USP15: variants seen among roughly 807,000 people sequenced by gnomAD.
The protein encoded by USP15 is ubiquitin specific peptidase 15.
Under a neutral mutation model 127.1 loss-of-function variants are expected in USP15, and 18 were observed. The observed-to-expected ratio is 0.14, with a 90% CI of 0.10 to 0.21. The LOEUF is 0.21. USP15 is among the 10% of genes least tolerant of loss of function. USP15 has a pLI of 1.00. For missense variants in USP15, 805 were observed against 1,159.9 expected, an observed-to-expected ratio of 0.69 and a Z score of 4.44; for synonymous variants, 364 against 393.7, an observed-to-expected ratio of 0.92 and a Z score of 0.89.
chr12:62,268,836 A>C (rs1431857871), intron 1 of USP15, among the ~76,000 whole-genome samples: 1 of 152,112 alleles, frequency 6.6e-6, no homozygotes, highest in Non-Finnish European at 1.5e-5. Context: ...AGAGTTGTGC[A>C]GCCATGACCA....
At chr12:62,306,425 C>T (rs1000611232) in intron 3 of USP15, among the ~76,000 whole-genome samples, 4 of 152,056 alleles carry the variant, frequency 2.6e-5, no homozygotes, top group African/African-American at 9.7e-5. Flanking sequence ...TAGTAGATTA[C>T]TAGACTTTGA....
intron 2 of USP15, among the ~76,000 whole-genome samples, chr12:62,296,452 G>A (rs2137164486): frequency 6.6e-6 from 1 of 152,290 alleles, no homozygotes; most frequent in East Asian, 1.9e-4. Context: ...TCAGAATAAA[G>A]AACATAATCA....
Position 62,391,341 on chromosome 12 carries a change from G to A in USP15, c.2145G>A (p.Gln715=), listed in dbSNP as rs749344516. The change falls in exon 16 of 22, where the codon CAG becomes CAA. Residue 715 remains glutamine, a synonymous_variant. Transcript: ENST00000280377. Reference sequence around the variant, plus strand: ...ACAAAAAACGATTGTTTACATTCCAGTTCAACAACTTAGGCAATACTGATA... The same window carrying A: ...ACAAAAAACGATTGTTTACATTCCAATTCAACAACTTAGGCAATACTGATA... The part of the protein sequence containing the change: ...TGHKKRLFTF[Q]FNNLGNTDIN... 8.1e-6 allele frequency: 13 copies of A among 1,613,250 alleles called. No individual in the cohort carries two copies. The highest frequency in any genetic ancestry group is 1.7e-5 in the Admixed American group (1 of 59,900).
intron 8 of USP15, among the ~76,000 whole-genome samples, chr12:62,365,051 A>G (rs1437435553): frequency 6.6e-6 from 1 of 152,172 alleles, no homozygotes; most frequent in Non-Finnish European, 1.5e-5. Context: ...CAAATAATTT[A>G]TAATCCTTTG....
At chr12:62,369,449 C>T (rs1454947361) in intron 8 of USP15, among the ~76,000 whole-genome samples, 4 of 148,486 alleles carry the variant, frequency 2.7e-5, no homozygotes, top group African/African-American at 9.8e-5. Context: ...TATTGGAATC[C>T]TTTATATGCC....
At chr12:62,377,889 C>T (rs1204803499) in intron 8 of USP15, among the ~76,000 whole-genome samples, 5 of 151,828 alleles carry the variant, frequency 3.3e-5, no homozygotes, top group South Asian at 2.1e-4. Context: ...ATATTTTAAC[C>T]GGTCTTTATG....
At position 62,331,758 on chromosome 12, in the gene USP15, A is replaced by T. The variant is rs188643425; in HGVS notation, c.683+5825A>T. The stretch of plus-strand genomic sequence containing the variant: ...ATGTTAAGGGTAAAATTTAATTTAA[A>T]ACATGTAGTCATTTAGTTACAAAAA... On this transcript the variant is annotated intron_variant, in intron 6 of 21. Transcript: ENST00000280377. Among the ~76,000 whole-genome samples the T allele has an allele frequency of 1.3e-3, 192 of 152,310 alleles. 1 individual carries two copies. The highest frequency in any genetic ancestry group is 4.5e-3 in the African/African-American group (188 of 41,546).
intron 1 of USP15, among the ~76,000 whole-genome samples, chr12:62,293,237 C>G (rs2064028213): frequency 6.6e-6 from 1 of 152,178 alleles, no homozygotes. Flanking sequence ...CTTGGGGCTC[C>G]CAGCCACTCT....
chr12:62,341,819 C>T (rs1294298866), intron 6 of USP15, among the ~76,000 whole-genome samples: 1 of 152,056 alleles, frequency 6.6e-6, no homozygotes, highest in East Asian at 1.9e-4. Context: ...ACGTTGTTTC[C>T]TTCATTTCAA....
At position 62,414,912 on chromosome 12, in the gene USP15, G is replaced by T. The variant is rs1238944458; in HGVS notation, c.*10537G>T. The T allele has an allele frequency of 1.3e-5, 2 of 149,050 alleles. No individual in the cohort carries two copies. Among genetic ancestry groups the T allele is most frequent in the African/African-American group, 2.5e-5 (1 of 40,050 alleles). The allele number at this position is 149,050 out of a possible 1,614,324, so 9.2% of individuals were successfully genotyped here. ...ATTCTCCAGAGAAACAAGACCAATA[G>T]GATGCATATGTGTATACACATATAT... On this transcript the variant is annotated 3_prime_UTR_variant, in exon 22 of 22. Coordinates refer to ENST00000280377, the MANE Select transcript of USP15 (RefSeq NM_001252078.2).
intron 6 of USP15, among the ~76,000 whole-genome samples, chr12:62,339,097 G>A (rs2065571822): frequency 6.6e-6 from 1 of 151,688 alleles, no homozygotes; most frequent in Admixed American, 6.6e-5. Flanking sequence ...CCTTGAAGAG[G>A]TCCTTCACGT....
chr12:62,309,638 A>G (rs2064597202), intron 3 of USP15, among the ~76,000 whole-genome samples: 1 of 152,082 alleles, frequency 6.6e-6, no homozygotes, highest in African/African-American at 2.4e-5. Context: ...ACTCATGAAC[A>G]TAGATGCTTA....
At chr12:62,312,994 AT>A (rs1276530572) in intron 3 of USP15, among the ~76,000 whole-genome samples, 1 of 151,696 alleles carries the variant, frequency 6.6e-6, no homozygotes, top group Non-Finnish European at 1.5e-5. Flanking sequence ...TCATATAAAA[AT>A]AGTTTGACAA....
In USP15 at chr12:62,389,833, G is replaced by A; in HGVS notation, c.1689G>A (p.Glu563=). 1 of 1,613,544 alleles carries A rather than the reference G, an allele frequency of 6.2e-7. No individual in the cohort carries two copies. Among genetic ancestry groups the A allele is most frequent in the Non-Finnish European group, 8.5e-7 (1 of 1,179,724 alleles). The change falls in exon 14 of 22, where the codon GAG becomes GAA. Residue 563 remains glutamate (E), a synonymous_variant. Transcript: ENST00000280377. The part of the protein sequence containing the change: ...EININRTEDT[E]HVIIPVCLRE... ...ACATCAATAGGACAGAAGATACAGA[G>A]CACGTGATTATTCCTGTTTGCCTAA...
Position 62,389,897 on chromosome 12 carries a change from G to C in USP15, c.1753G>C (p.Gly585Arg). ...ACACTCGAGTTATACCCACCATACT[G>C]GTTCTTCACTTTTTGGTCAGCCCTT... is the stretch of plus-strand genomic sequence containing the variant. ...FRHSSYTHHTGSSLFGQPFLM... is the reference protein window; with the variant it reads ...FRHSSYTHHTRSSLFGQPFLM... Residue 585 changes from glycine to arginine, a missense_variant, in exon 14 of 22, where the codon GGT (glycine) becomes CGT (arginine). Around this residue, in one of 11 missense-constraint regions of USP15, gnomAD observed 225 missense variants for 239.5 expected, o/e 0.94. Coordinates refer to ENST00000280377, the MANE Select transcript of USP15 (RefSeq NM_001252078.2). 1 of 1,613,796 alleles carries C rather than the reference G, an allele frequency of 6.2e-7. No homozygotes were observed. The highest frequency in any genetic ancestry group is 8.5e-7 in the Non-Finnish European group (1 of 1,179,888).
At chr12:62,387,208 C>G (rs2067179397) in intron 11 of USP15, among the ~76,000 whole-genome samples, 1 of 152,052 alleles carries the variant, frequency 6.6e-6, no homozygotes, top group African/African-American at 2.4e-5. Flanking sequence ...ACTGCTTTAG[C>G]TATAAATTGG....
chr12:62,355,459 T>G lies in USP15; in HGVS notation c.899T>G (p.Met300Arg). Reference sequence around the variant, plus strand: ...AGTAACTTGGGAAATACGTGTTTCATGAACTCAGCTATTCAGGTAGGTCTT... The same window carrying G: ...AGTAACTTGGGAAATACGTGTTTCAGGAACTCAGCTATTCAGGTAGGTCTT... The part of the protein sequence containing the change: ...GLSNLGNTCF[M>R]NSAIQCLSNT... Residue 300 changes from methionine (M) to arginine (R), a missense_variant, in exon 8 of 22, where the codon ATG (methionine) becomes AGG (arginine). Coordinates refer to ENST00000280377, the MANE Select transcript of USP15 (RefSeq NM_001252078.2). The G allele has an allele frequency of 6.2e-7, 1 of 1,602,544 alleles. No homozygotes were observed. Among genetic ancestry groups the G allele is most frequent in the Non-Finnish European group, 8.5e-7 (1 of 1,175,074 alleles).
intron 2 of USP15, among the ~76,000 whole-genome samples, chr12:62,298,850 AAAAG>A (rs2064214672): frequency 6.6e-6 from 1 of 151,440 alleles, no homozygotes; most frequent in African/African-American, 2.4e-5. Context: ...AAAAAAAAAA[AAAAG>A]AATGAGTGAA....
intron 3 of USP15, 169 bp downstream of exon 3, chr12:62,303,089 C>T: frequency 1.5e-6 from 1 of 649,128 alleles, no homozygotes; most frequent in Non-Finnish European, 2.5e-6. Context: ...AGAAGGTTTA[C>T]TTATGCTAGC....
Sources: gnomAD v4.1 joint callset for allele counts (sites outside exome capture counted in the v4.1 genomes callset) on GRCh38, gnomAD v4.1.1 for gene constraint, gnomAD v4.1.1 regional missense constraint, MANE v1.5 for transcripts, NCBI Gene and HGNC (gene_info 2026-07-23, HGNC 2026-07-21) for gene names.